Variants in CHD6 observed in about 807,000 individuals in gnomAD.
CHD6 encodes the protein chromodomain helicase DNA binding protein 6.
A neutral mutation model predicts 276.9 loss-of-function variants in CHD6; 50 were observed. The observed-to-expected ratio is 0.18, with a 90% CI of 0.14 to 0.23. The LOEUF (loss-of-function observed/expected upper bound fraction) is 0.23, where lower values mean the gene tolerates loss of function less well. CHD6 is among the 10% of genes least tolerant of loss of function. The probability of loss-of-function intolerance (pLI) is 1.00; values close to 1 mark genes in which losing one functional copy is unlikely to be tolerated. For synonymous variants in CHD6, 1,173 were observed against 1,229.3 expected, an observed-to-expected ratio of 0.95 and a Z score of 0.96; for missense variants, 2,564 against 3,365.8, an observed-to-expected ratio of 0.76 and a Z score of 5.89.
At chr20:41,511,158 A>C (rs1052206458) in intron 5 of CHD6, among the ~76,000 whole-genome samples, 1 of 152,202 alleles carries the variant, frequency 6.6e-6, no homozygotes, top group Non-Finnish European at 1.5e-5. Flanking sequence ...AAAATGCTTT[A>C]AGTTGGAGGC....
chr20:41,513,724 G>A (rs2044177449), intron 4 of CHD6, among the ~76,000 whole-genome samples: 1 of 152,056 alleles, frequency 6.6e-6, no homozygotes, highest in Non-Finnish European at 1.5e-5. Context: ...AATCACTTCA[G>A]GGAACCATTT....
chr20:41,534,444 G>A (rs190699993), intron 2 of CHD6, among the ~76,000 whole-genome samples: 30 of 152,230 alleles, frequency 2.0e-4, no homozygotes, highest in Non-Finnish European at 3.2e-4. Flanking sequence ...GGCCCACCCT[G>A]GTAGTTACAG....
At chr20:41,548,540 G>A (rs1049894352) in intron 2 of CHD6, among the ~76,000 whole-genome samples, 1 of 152,058 alleles carries the variant, frequency 6.6e-6, no homozygotes, top group Non-Finnish European at 1.5e-5. Context: ...CCATAAAAAC[G>A]CTAGAAGAAA....
intron 24 of CHD6, 90 bp from the exon 25 acceptor site, chr20:41,445,858 T>C: frequency 1.3e-6 from 1 of 741,436 alleles, no homozygotes; most frequent in Admixed American, 2.2e-5. Flanking sequence ...CATGCTGAGA[T>C]GCTAAAGTAA....
intron 24 of CHD6, among the ~76,000 whole-genome samples, chr20:41,446,471 C>T (rs1490890534): frequency 2.0e-5 from 3 of 152,160 alleles, no homozygotes; most frequent in Non-Finnish European, 2.9e-5. Flanking sequence ...CACATAAACC[C>T]TAAGTTCACT....
chr20:41,588,040 G>A (rs2045615042), intron 1 of CHD6, among the ~76,000 whole-genome samples: 1 of 152,036 alleles, frequency 6.6e-6, no homozygotes, highest in African/African-American at 2.4e-5. Flanking sequence ...CTATAAAGTA[G>A]AGGCAGGTAG....
At position 41,457,554 on chromosome 20, in the gene CHD6, C is replaced by A. The variant is rs552518440; in HGVS notation, c.2665-126G>T. The A allele has an allele frequency of 7.1e-6, 8 of 1,130,134 alleles. No homozygotes were observed. In the African/African-American group the frequency reaches 1.2e-4, roughly 17 times the overall value. The allele number at this position is 1,130,134 out of a possible 1,614,324, so 70.0% of individuals were successfully genotyped here. A position where few individuals can be genotyped will look rare whatever the true frequency, so the allele number is the denominator to read the frequency against. ...CAACTCTCGGTTACAAGTAACAGGA[C>A]TGATTTCAGAACAGAATTTATACCC... On this transcript the variant is annotated intron_variant, in intron 17 of 36. Transcript: ENST00000373233.
At chr20:41,499,469 A>AAT in intron 5 of CHD6, 112 bp from the exon 6 acceptor site, 2 of 817,600 alleles carry the variant, frequency 2.4e-6, no homozygotes, top group Non-Finnish European at 1.9e-6. Context: ...TTCACCTTTG[A>AAT]GTACCAAGGC....
chr20:41,567,596 C>G (rs1280547863), intron 1 of CHD6, among the ~76,000 whole-genome samples: 2 of 151,382 alleles, frequency 1.3e-5, no homozygotes, highest in Non-Finnish European at 2.9e-5. Context: ...GCTTGTGGTT[C>G]AGGTACTGAT....
chr20:41,442,694 G>A (rs1412597543), intron 25 of CHD6, among the ~76,000 whole-genome samples: 3 of 152,156 alleles, frequency 2.0e-5, no homozygotes, highest in Non-Finnish European at 4.4e-5. Flanking sequence ...ATGTTGTGTG[G>A]GCTTGGTTAT....
At chr20:41,539,638 C>A (rs1251393992) in intron 2 of CHD6, among the ~76,000 whole-genome samples, 2 of 152,146 alleles carry the variant, frequency 1.3e-5, no homozygotes, top group African/African-American at 4.8e-5. Flanking sequence ...GATAAAAATA[C>A]AACAAAACAA....
intron 1 of CHD6, among the ~76,000 whole-genome samples, chr20:41,609,906 G>A (rs1003301342): frequency 4.1e-5 from 6 of 147,772 alleles, no homozygotes; most frequent in Non-Finnish European, 8.9e-5. Flanking sequence ...ACCAAGGCTG[G>A]AGGGCAGTGG....
At position 41,527,358 on chromosome 20, in the gene CHD6, T is replaced by C. The variant is rs544266296; in HGVS notation, c.554+5692A>G. Among the ~76,000 whole-genome samples the C allele has an allele frequency of 1.4e-3, 216 of 151,380 alleles. 1 individual carries two copies. The South Asian group carries it at 0.014, about 10-fold the overall frequency. ...ACTGCTTGAACCCGGGAGGTGGAGA[T>C]TGCAGTGAGCCGAGATCACACCACT... is the stretch of plus-strand genomic sequence containing the variant. On this transcript the variant is annotated intron_variant, in intron 3 of 36. Coordinates refer to ENST00000373233, the MANE Select transcript of CHD6 (RefSeq NM_032221.5).
chr20:41,454,837 G>T, intron 19 of CHD6, 101 bp from the exon 20 acceptor site: 2 of 708,010 alleles, frequency 2.8e-6, no homozygotes, highest in Middle Eastern at 2.6e-4. Context: ...TTATCTATTT[G>T]CATTCAAAAT....
intron 2 of CHD6, among the ~76,000 whole-genome samples, chr20:41,545,724 T>C (rs1261084281): frequency 6.6e-6 from 1 of 152,184 alleles, no homozygotes; most frequent in Non-Finnish European, 1.5e-5. Context: ...TAGTTCACCC[T>C]TGGTCACCAC....
intron 1 of CHD6, chr20:41,564,181 T>C (rs2045331605): frequency 4.4e-6 from 3 of 687,946 alleles, no homozygotes; most frequent in Non-Finnish European, 8.0e-6. Flanking sequence ...CTGTTAACAT[T>C]GAAATGAGAA....
intron 1 of CHD6, among the ~76,000 whole-genome samples, chr20:41,603,017 C>T (rs932294313): frequency 5.9e-5 from 9 of 152,012 alleles, no homozygotes; most frequent in African/African-American, 2.2e-4. Flanking sequence ...AATAGAAAAT[C>T]GAGTGCATCA....
Position 41,455,829 on chromosome 20 carries a change from A to T in CHD6, c.2980T>A (p.Ser994Thr). The T allele has an allele frequency of 3.7e-6, 6 of 1,602,696 alleles. No homozygotes were observed. The highest frequency in any genetic ancestry group is 5.1e-6 in the Non-Finnish European group (6 of 1,175,092). Residue 994 changes from serine (S) to threonine (T), a missense_variant, in exon 19 of 37, where the codon TCT (serine) becomes ACT (threonine). Physicochemically the swap from Ser to Thr is moderately conservative, Grantham distance 58. Coordinates refer to ENST00000373233, the MANE Select transcript of CHD6 (RefSeq NM_032221.5). ...GCAAAAGTGGACCCTTTCCCCTCAG[A>T]CTGGATGGTGATGGTGTGCGTTCGC... ...QRRTHTITIQ[S>T]EGKGSTFAKA...
chr20:41,609,216 G>C (rs1359792074), intron 1 of CHD6, among the ~76,000 whole-genome samples: 1 of 152,154 alleles, frequency 6.6e-6, no homozygotes, highest in African/African-American at 2.4e-5. Flanking sequence ...AGGAGGCTGA[G>C]GCAGGAGGAT....
Sources: gnomAD v4.1 joint callset for allele counts (sites outside exome capture counted in the v4.1 genomes callset) on GRCh38, gnomAD v4.1.1 for gene constraint, MANE v1.5 for transcripts, NCBI Gene and HGNC (gene_info 2026-07-23, HGNC 2026-07-21) for gene names.